Variants in PDE4D observed in about 807,000 individuals in gnomAD.
PDE4D encodes the protein 3',5'-cyclic-AMP phosphodiesterase 4D.
A neutral mutation model predicts 87.4 loss-of-function variants in PDE4D; 24 were observed. The observed-to-expected ratio is 0.27, with a 90% CI of 0.20 to 0.39. The LOEUF is 0.39. Ranked by LOEUF, PDE4D falls within the 10% of genes least tolerant of loss-of-function variation. The probability of loss-of-function intolerance (pLI) is 1.00; values close to 1 mark genes in which losing one functional copy is unlikely to be tolerated. For missense variants in PDE4D, 714 were observed against 1,041.0 expected (o/e 0.69, Z 4.32); for synonymous variants, 384 against 383.2 (o/e 1.00, Z -0.02).
intron 2 of PDE4D, among the ~76,000 whole-genome samples, chr5:60,074,580 A>G (rs911867778): frequency 3.3e-5 from 5 of 152,030 alleles, no homozygotes; most frequent in African/African-American, 7.2e-5. Context: ...TTCTGCCTCA[A>G]TGATCTAATA....
intron 1 of PDE4D, among the ~76,000 whole-genome samples, chr5:60,394,331 G>A (rs933196109): frequency 1.3e-5 from 2 of 152,142 alleles, no homozygotes; most frequent in African/African-American, 4.8e-5. Context: ...AATTATAGTG[G>A]CAGCTCTTGC....
chr5:60,453,337 TC>T (rs1746236387), intron 1 of PDE4D, among the ~76,000 whole-genome samples: 1 of 152,162 alleles, frequency 6.6e-6, no homozygotes, highest in South Asian at 2.1e-4. Context: ...GAGATTATAC[TC>T]TTAGGATAAG....
At chr5:60,075,810 C>T (rs1023359879) in intron 2 of PDE4D, among the ~76,000 whole-genome samples, 1 of 152,120 alleles carries the variant, frequency 6.6e-6, no homozygotes, top group Non-Finnish European at 1.5e-5. Context: ...GCTGTTAATA[C>T]TTACAATTAA....
chr5:59,193,747 G>C (rs1744832267), intron 2 of PDE4D: 2 of 985,254 alleles, frequency 2.0e-6, no homozygotes, highest in Non-Finnish European at 2.4e-6. Flanking sequence ...TGGGTAAAAA[G>C]AGGGGCTTCT....
chr5:59,048,264 G>A (rs781517699), intron 5 of PDE4D, among the ~76,000 whole-genome samples: 12 of 152,160 alleles, frequency 7.9e-5, no homozygotes, highest in Admixed American at 2.6e-4. Flanking sequence ...TGCTATTTAC[G>A]TATTCTTGTT....
intron 5 of PDE4D, chr5:59,039,593 C>CT: frequency 2.4e-6 from 2 of 830,912 alleles, no homozygotes; most frequent in Non-Finnish European, 2.9e-6. Context: ...AACACTCCCC[C>CT]TCACGCCCCT....
chr5:59,336,688 C>T (rs1183082768), intron 1 of PDE4D, among the ~76,000 whole-genome samples: 1 of 152,138 alleles, frequency 6.6e-6, no homozygotes, highest in East Asian at 1.9e-4. Flanking sequence ...ACCAAATTAC[C>T]ATGGAAAATG....
At chr5:59,282,915 CA>C (rs907580480) in intron 1 of PDE4D, among the ~76,000 whole-genome samples, 1 of 152,110 alleles carries the variant, frequency 6.6e-6, no homozygotes, top group Non-Finnish European at 1.5e-5. Flanking sequence ...TAATGTAAAA[CA>C]GCTGCTCTGA....
chr5:59,918,949 T>A (rs1191176378), intron 3 of PDE4D, among the ~76,000 whole-genome samples: 2 of 152,192 alleles, frequency 1.3e-5, no homozygotes, highest in African/African-American at 4.8e-5. Flanking sequence ...CCAGTAAATT[T>A]TTGAATAGTT....
intron 1 of PDE4D, among the ~76,000 whole-genome samples, chr5:60,459,353 T>C (rs1746741369): frequency 6.6e-6 from 1 of 152,204 alleles, no homozygotes; most frequent in African/African-American, 2.4e-5. Flanking sequence ...AGATCCACCC[T>C]TTGCTGACCT....
chr5:59,550,533 T>C (rs978532247), intron 1 of PDE4D, among the ~76,000 whole-genome samples: 2 of 152,330 alleles, frequency 1.3e-5, no homozygotes, highest in South Asian at 2.1e-4. Flanking sequence ...GTTTTGACTT[T>C]GTTTTTTAAT....
At chr5:59,437,559 C>CTATA in intron 1 of PDE4D, among the ~76,000 whole-genome samples, 1 of 152,276 alleles carries the variant, frequency 6.6e-6, no homozygotes, top group South Asian at 2.1e-4. Context: ...GAGGAGGGGT[C>CTATA]TTTGGCAAAC....
chr5:59,944,526 C>A (rs1042407855), intron 3 of PDE4D, among the ~76,000 whole-genome samples: 1 of 152,180 alleles, frequency 6.6e-6, no homozygotes, highest in Admixed American at 6.5e-5. Context: ...CCCCCACCAC[C>A]ACGCCCGGCT....
intron 1 of PDE4D, among the ~76,000 whole-genome samples, chr5:60,480,159 A>G (rs1748620081): frequency 6.6e-6 from 1 of 152,158 alleles, no homozygotes; most frequent in African/African-American, 2.4e-5. Context: ...ATTCCATTTA[A>G]TCTCTCTAAA....
At chr5:59,607,631 A>G (rs1579794563) in intron 1 of PDE4D, among the ~76,000 whole-genome samples, 1 of 152,168 alleles carries the variant, frequency 6.6e-6, no homozygotes, top group South Asian at 2.1e-4. Flanking sequence ...TTGGGAATGA[A>G]GTGAGATGTC....
intron 5 of PDE4D, among the ~76,000 whole-genome samples, chr5:59,159,942 G>A (rs1004095294): frequency 6.6e-6 from 1 of 151,830 alleles, no homozygotes; most frequent in Non-Finnish European, 1.5e-5. Context: ...GTTACTGTAG[G>A]GGAAAAAAAA....
At chr5:59,288,233 A>G (rs150703837) in intron 1 of PDE4D, among the ~76,000 whole-genome samples, 4,711 of 152,114 alleles carry the variant, frequency 0.031, 248 homozygotes, top group African/African-American at 0.11. Flanking sequence ...CCTATCAGAT[A>G]AATTCAACAA....
chr5:59,550,882 G>A (rs750670627), intron 1 of PDE4D, among the ~76,000 whole-genome samples: 4 of 151,928 alleles, frequency 2.6e-5, no homozygotes, highest in Non-Finnish European at 5.9e-5. Context: ...TTTTTTAGTA[G>A]AGACGGGGTT....
intron 1 of PDE4D, among the ~76,000 whole-genome samples, chr5:60,272,582 T>C (rs572617904): frequency 5.3e-5 from 8 of 152,262 alleles, no homozygotes; most frequent in Admixed American, 3.3e-4. Context: ...TCCAACCTAG[T>C]GCTGATTAGG....
Sources: allele counts gnomAD v4.1 joint callset (sites outside exome capture counted in the v4.1 genomes callset), GRCh38; gene constraint gnomAD v4.1.1; transcripts MANE v1.5; gene names NCBI Gene and HGNC (gene_info 2026-07-23, HGNC 2026-07-21).